The following ZBTB16 variants were observed in gnomAD, a reference collection of about 807,000 sequenced individuals.
ZBTB16 encodes the protein zinc finger and BTB domain-containing protein 16.
A neutral mutation model predicts 56.8 loss-of-function variants in ZBTB16; 8 were observed. That is an observed-to-expected ratio of 0.14 (90% CI 0.08 to 0.25). ZBTB16 has a LOEUF of 0.25. Ranked by LOEUF, ZBTB16 falls within the 10% of genes least tolerant of loss-of-function variation. The pLI is 1.00. For synonymous variants in ZBTB16, 363 were observed against 368.5 expected (o/e 0.98, Z 0.17); for missense variants, 625 against 903.0 (o/e 0.69, Z 3.95).
At chr11:114,214,278 G>A (rs562651524) in intron 4 of ZBTB16, among the ~76,000 whole-genome samples, 1 of 152,198 alleles carries the variant, frequency 6.6e-6, no homozygotes, top group Non-Finnish European at 1.5e-5. Flanking sequence ...CTGGGAAAGA[G>A]TTAGTAGGGG....
In ZBTB16 at chr11:114,064,541, C is replaced by T; in HGVS notation, c.1241C>T (p.Pro414Leu). Residue 414 changes from proline (P) to leucine (L), a missense_variant, in exon 2 of 7, where the codon CCT becomes CTT. This residue lies in a region of ZBTB16 where 384 missense variants were observed against 393.5 expected (regional missense o/e 0.98). Transcript: ENST00000335953. This position sits in a 1 kb window ranked among gnomAD's most constrained non-coding sequence, Gnocchi z 4.2. ...TGCAGCGTGTGTGGGGTCGAGCTTC[C>T]TGATAACGAGGCTGTGGAGCAGCAC... ...EQCSVCGVEL[P>L]DNEAVEQHRK... is the part of the protein sequence containing the mutation. 6.2e-7 allele frequency: 1 copy of T among 1,614,036 alleles called. No individual in the cohort carries two copies. Among genetic ancestry groups the T allele is most frequent in the Non-Finnish European group, 8.5e-7 (1 of 1,180,042 alleles).
rs1210482289 is a variant in ZBTB16 at position 114,143,304 on chromosome 11, G to C, written c.1269-13033G>C. On this transcript the variant is annotated intron_variant, in intron 2 of 6. Coordinates refer to ENST00000335953, the MANE Select transcript of ZBTB16 (RefSeq NM_006006.6). The surrounding 1 kb of genome is among the most constrained non-coding windows in gnomAD (Gnocchi z 6.4). ...GGCTTGAGAATACAAGATGAATGAG[G>C]CAAAGCCCTGTCTTCATGTAGCTGC... Among the ~76,000 whole-genome samples, 2 of 152,124 alleles carry C rather than the reference G, an allele frequency of 1.3e-5. No individual in the cohort carries two copies. The highest frequency in any genetic ancestry group is 2.9e-5 in the Non-Finnish European group (2 of 68,030).
chr11:114,084,676 C>T (rs1939897974), intron 2 of ZBTB16, among the ~76,000 whole-genome samples: 1 of 152,128 alleles, frequency 6.6e-6, no homozygotes, highest in African/African-American at 2.4e-5. Flanking sequence ...GAGCCCTGTT[C>T]CTCCAAGCCC....
chr11:114,203,923 G>A (rs940958901), intron 4 of ZBTB16, among the ~76,000 whole-genome samples: 12 of 152,102 alleles, frequency 7.9e-5, no homozygotes, highest in Admixed American at 4.6e-4. Flanking sequence ...TAGTGAGTCC[G>A]ACATCTGCAA....
At chr11:114,245,071 G>T (rs1380604940) in intron 5 of ZBTB16, among the ~76,000 whole-genome samples, 2 of 152,244 alleles carry the variant, frequency 1.3e-5, no homozygotes, top group African/African-American at 4.8e-5. Flanking sequence ...GACACACGGA[G>T]AGAGTGGGTT....
intron 1 of ZBTB16, chr11:114,061,349 T>TA (rs1305650826): frequency 1.3e-5 from 2 of 152,186 alleles, no homozygotes; most frequent in African/African-American, 4.8e-5. Flanking sequence ...AAGCTTCCAT[T>TA]CTTTTGGCTG....
At chr11:114,153,444 C>G (rs1007606870) in intron 2 of ZBTB16, among the ~76,000 whole-genome samples, 1 of 152,184 alleles carries the variant, frequency 6.6e-6, no homozygotes, top group Admixed American at 6.6e-5. Context: ...TGACCTTACC[C>G]TGAGGATTAG....
chr11:114,131,421 T>C (rs998499500), intron 2 of ZBTB16, among the ~76,000 whole-genome samples: 4 of 152,260 alleles, frequency 2.6e-5, no homozygotes, highest in African/African-American at 9.6e-5. Context: ...TCTGTTTTTT[T>C]CTTTTTAAGG....
At chr11:114,136,004 C>T (rs778173177) in intron 2 of ZBTB16, among the ~76,000 whole-genome samples, 17 of 152,148 alleles carry the variant, frequency 1.1e-4, no homozygotes, top group Non-Finnish European at 4.4e-5. Context: ...TCCTTTTCTT[C>T]GGTGAGTTCC....
At chr11:114,193,423 G>T (rs758117705) in intron 4 of ZBTB16, among the ~76,000 whole-genome samples, 6 of 152,164 alleles carry the variant, frequency 3.9e-5, no homozygotes, top group Non-Finnish European at 8.8e-5. Context: ...GTCGTGCTCA[G>T]TGCCGAGGGG....
At chr11:114,190,771 A>G (rs546997486) in intron 4 of ZBTB16, among the ~76,000 whole-genome samples, 102 of 152,200 alleles carry the variant, frequency 6.7e-4, no homozygotes, top group African/African-American at 2.3e-3. Context: ...ATATATACAC[A>G]CATGTGTATA....
intron 4 of ZBTB16, among the ~76,000 whole-genome samples, chr11:114,201,438 A>C (rs922324931): frequency 4.6e-5 from 7 of 152,206 alleles, no homozygotes; most frequent in Admixed American, 3.3e-4. Context: ...CCGCCGTGGC[A>C]GTAGGGCCTG....
intron 2 of ZBTB16, among the ~76,000 whole-genome samples, chr11:114,109,385 G>A (rs760848626): frequency 2.6e-5 from 4 of 152,170 alleles, no homozygotes; most frequent in Non-Finnish European, 5.9e-5. Context: ...AAATGTCTGC[G>A]CCTTTTCCTC....
chr11:114,155,999 G>T (rs2134956475), intron 2 of ZBTB16, among the ~76,000 whole-genome samples: 1 of 152,290 alleles, frequency 6.6e-6, no homozygotes, highest in East Asian at 1.9e-4. Context: ...TGTGAGGTCT[G>T]TGCTAGTTTG....
chr11:114,237,817 C>T lies in ZBTB16; in HGVS notation c.1454-4350C>T, dbSNP rs957865430. Among the ~76,000 whole-genome samples the T allele has an allele frequency of 1.6e-4, 25 of 152,316 alleles. 5 individuals carry two copies. Among genetic ancestry groups the T allele is most frequent in the Admixed American group, 1.3e-3 (20 of 15,304 alleles). ...TCTTGTGTCTCATCCACATCTCCCCCACTTTTCCATTTTTTTAAAAATACT... is the reference window on the plus strand; with the variant it reads ...TCTTGTGTCTCATCCACATCTCCCCTACTTTTCCATTTTTTTAAAAATACT... On this transcript the variant is annotated intron_variant, in intron 4 of 6. Transcript: ENST00000335953.
chr11:114,112,841 G>A (rs567603715), intron 2 of ZBTB16, among the ~76,000 whole-genome samples: 1 of 146,708 alleles, frequency 6.8e-6, no homozygotes, highest in South Asian at 2.1e-4. Context: ...ATAGCTCACT[G>A]TAGCCTCGAC....
intron 3 of ZBTB16, among the ~76,000 whole-genome samples, chr11:114,183,139 G>C (rs1046682008): frequency 6.6e-6 from 1 of 152,212 alleles, no homozygotes; most frequent in African/African-American, 2.4e-5. Flanking sequence ...GGGCGTGGGA[G>C]TACTGGGGCT....
rs182786632 is a variant in ZBTB16, at chr11:114,160,529, T to C, written c.1366+4095T>C. ...GACTAGAATACTAAATTTACACTGC[T>C]AAATCAGTTTTCATTGTGTTGAAAT... is the stretch of plus-strand genomic sequence containing the variant. On this transcript the variant is annotated intron_variant, in intron 3 of 6. Transcript: ENST00000335953. Among the ~76,000 whole-genome samples the C allele has an allele frequency of 3.3e-4, 50 of 152,334 alleles. No individual in the cohort carries two copies. The East Asian group carries it at 5.6e-3, about 17-fold the overall frequency.
rs56918890 is a variant in ZBTB16, at chr11:114,146,508, A to G, written c.1269-9829A>G. On this transcript the variant is annotated intron_variant, in intron 2 of 6. Coordinates refer to ENST00000335953, the MANE Select transcript of ZBTB16 (RefSeq NM_006006.6). ...GAGATGATCCTCAGGAAGCCCTTTC[A>G]AAGTCAGACATGATCTATAAATGCA... is the stretch of plus-strand genomic sequence containing the variant. Among the ~76,000 whole-genome samples the G allele has an allele frequency of 3.6e-3, 553 of 152,230 alleles. 23 individuals are homozygous for G. In the East Asian group the frequency reaches 0.092, roughly 25 times the overall value.
Sources: allele counts gnomAD v4.1 joint callset (sites outside exome capture counted in the v4.1 genomes callset), GRCh38; gene constraint gnomAD v4.1.1; regional missense constraint gnomAD v4.1.1; non-coding constraint Gnocchi (gnomAD v3.1); transcripts MANE v1.5; gene names NCBI Gene and HGNC (gene_info 2026-07-23, HGNC 2026-07-21).